The following TMEM74 variants were observed in gnomAD, a reference collection of about 807,000 sequenced individuals.
The protein encoded by TMEM74 is transmembrane protein 74.
TMEM74 carries 13 observed loss-of-function variants against 18.1 expected under a neutral mutation model. That is an observed-to-expected ratio of 0.72 (90% CI 0.47 to 1.14). TMEM74 has a LOEUF of 1.14. TMEM74 is among the 50% of genes most tolerant of loss of function. The pLI, the probability that TMEM74 is intolerant of heterozygous loss-of-function variation, is 0.00. For synonymous variants in TMEM74, 159 were observed against 146.6 expected (o/e 1.08, Z -0.61); for missense variants, 372 against 375.9 (o/e 0.99, Z 0.09).
At chr8:108,692,023 T>G (rs1563527445) in intron 1 of TMEM74, among the ~76,000 whole-genome samples, 1 of 152,214 alleles carries the variant, frequency 6.6e-6, no homozygotes, top group Non-Finnish European at 1.5e-5. Flanking sequence ...TCATGTCTTA[T>G]AGTTTAATTC....
At chr8:108,744,569 G>A (rs1166040668) in intron 1 of TMEM74, among the ~76,000 whole-genome samples, 2 of 152,244 alleles carry the variant, frequency 1.3e-5, no homozygotes, top group South Asian at 2.1e-4. Context: ...TACATTTTAC[G>A]TAAGAGAAGG....
At chr8:108,752,280 AT>A (rs1452755129) in intron 1 of TMEM74, among the ~76,000 whole-genome samples, 1 of 152,088 alleles carries the variant, frequency 6.6e-6, no homozygotes, top group Non-Finnish European at 1.5e-5. Context: ...CATCTCTAAG[AT>A]AACAAAAGTT....
In TMEM74 at chr8:108,677,038, C is replaced by T. The variant is rs530124058; in HGVS notation, n.120-21601G>A. 4.6e-5 allele frequency among the ~76,000 whole-genome samples: 7 copies of T among 152,336 alleles called. No individual in the cohort carries two copies. In the East Asian group the frequency reaches 1.3e-3, roughly 29 times the overall value. On this transcript the variant is annotated intron_variant and non_coding_transcript_variant, in intron 1 of 3. Coordinates refer to the TMEM74 transcript ENST00000518838. ...TTCAAAGATCAATTATTCTTTCCAG[C>T]TATTGGCACTTACAGTTTAACCTTC...
At chr8:108,711,489 G>A (rs1484631563) in intron 1 of TMEM74, among the ~76,000 whole-genome samples, 1 of 152,138 alleles carries the variant, frequency 6.6e-6, no homozygotes, top group Non-Finnish European at 1.5e-5. Context: ...TTTCTTCTCA[G>A]CAATTTTGGT....
In TMEM74 at chr8:108,782,124, C is replaced by T. The variant is rs1206516682; in HGVS notation, c.*2057G>A. On this transcript the variant is annotated 3_prime_UTR_variant, in exon 2 of 2. Coordinates refer to ENST00000297459, the MANE Select transcript of TMEM74 (RefSeq NM_153015.3). The stretch of plus-strand genomic sequence containing the variant: ...TTTTTTAACACACAGCTCAGACCTA[C>T]TCACTCAGCAGATCGTTTCCTTCTT... Among the ~76,000 whole-genome samples, 1 of 152,090 alleles carries T rather than the reference C, an allele frequency of 6.6e-6. No individual in the cohort carries two copies. Among genetic ancestry groups the T allele is most frequent in the Non-Finnish European group, 1.5e-5 (1 of 68,020 alleles).
chr8:108,691,245 G>C (rs1376735893), intron 1 of TMEM74, among the ~76,000 whole-genome samples: 1 of 152,144 alleles, frequency 6.6e-6, no homozygotes, highest in Non-Finnish European at 1.5e-5. Flanking sequence ...CTTCCCACAA[G>C]GAAAAGGTAG....
At chr8:108,674,892 A>T (rs1334695747) in intron 1 of TMEM74, among the ~76,000 whole-genome samples, 2 of 152,144 alleles carry the variant, frequency 1.3e-5, no homozygotes, top group Non-Finnish European at 2.9e-5. Context: ...TGCCTGACCC[A>T]TGTCACTCAA....
At chr8:108,769,794 C>G (rs1354740439) in intron 1 of TMEM74, among the ~76,000 whole-genome samples, 6 of 152,000 alleles carry the variant, frequency 3.9e-5, no homozygotes, top group Non-Finnish European at 7.4e-5. Flanking sequence ...AACAGGTGCA[C>G]AATGATCATT....
downstream of TMEM74, among the ~76,000 whole-genome samples, chr8:108,775,719 T>C (rs1166741959): frequency 6.6e-6 from 1 of 152,214 alleles, no homozygotes; most frequent in Non-Finnish European, 1.5e-5. Context: ...ATTTTACTGT[T>C]TAGGGTCAGC....
chr8:108,696,563 G>A (rs764707386), intron 1 of TMEM74, among the ~76,000 whole-genome samples: 2 of 152,174 alleles, frequency 1.3e-5, no homozygotes, highest in Admixed American at 6.5e-5. Flanking sequence ...AATTACAATC[G>A]TATTTTTTGT....
At chr8:108,708,874 A>G (rs1281024509) in intron 1 of TMEM74, among the ~76,000 whole-genome samples, 2 of 151,300 alleles carry the variant, frequency 1.3e-5, no homozygotes, top group African/African-American at 2.4e-5. Context: ...AAAAGACTTG[A>G]ACAGACATTT....
At chr8:108,705,266 G>A (rs1039351536) in intron 1 of TMEM74, among the ~76,000 whole-genome samples, 1 of 152,186 alleles carries the variant, frequency 6.6e-6, no homozygotes, top group Non-Finnish European at 1.5e-5. Flanking sequence ...GGAAGTCAAC[G>A]AACTTGATGC....
chr8:108,745,371 C>T (rs1331557812), intron 1 of TMEM74, among the ~76,000 whole-genome samples: 2 of 152,062 alleles, frequency 1.3e-5, no homozygotes, highest in African/African-American at 4.8e-5. Flanking sequence ...GTGTCAGTGT[C>T]CAATAAAACT....
At chr8:108,689,861 C>G (rs1298080849) in intron 1 of TMEM74, among the ~76,000 whole-genome samples, 3 of 152,066 alleles carry the variant, frequency 2.0e-5, no homozygotes, top group Non-Finnish European at 4.4e-5. Flanking sequence ...TTGTTCTTCC[C>G]ACTTCACCCC....
At chr8:108,728,494 C>A (rs117833432) in intron 1 of TMEM74, among the ~76,000 whole-genome samples, 1,866 of 152,208 alleles carry the variant, frequency 0.012, 24 homozygotes, top group Non-Finnish European at 0.02. Flanking sequence ...GATCATAGAA[C>A]CTTTTCCCCT....
intron 1 of TMEM74, among the ~76,000 whole-genome samples, chr8:108,708,469 T>C (rs1813440072): frequency 6.6e-6 from 1 of 152,136 alleles, no homozygotes. Context: ...ACACTGCCTT[T>C]TGCAACGGCT....
At position 108,782,564 on chromosome 8, in the gene TMEM74, A is replaced by G. The variant is rs1253496650; in HGVS notation, c.*1617T>C. ...TCATCAAATCAATCTGACACCCATG[A>G]GAGCTCATCCACATAAATATCCTGA... On this transcript the variant is annotated 3_prime_UTR_variant, in exon 2 of 2. Transcript: ENST00000297459. Among the ~76,000 whole-genome samples the G allele has an allele frequency of 6.6e-6, 1 of 152,224 alleles. No individual in the cohort carries two copies. The highest frequency in any genetic ancestry group is 1.5e-5 in the Non-Finnish European group (1 of 68,050).
At chr8:108,660,311 C>A (rs902261089) in intron 1 of TMEM74, among the ~76,000 whole-genome samples, 1 of 152,198 alleles carries the variant, frequency 6.6e-6, no homozygotes, top group Admixed American at 6.6e-5. Flanking sequence ...CCTTGGCAGG[C>A]CTATCTTAAA....
intron 1 of TMEM74, among the ~76,000 whole-genome samples, chr8:108,704,472 T>C (rs78243211): frequency 6.6e-6 from 1 of 152,228 alleles, no homozygotes; most frequent in South Asian, 2.1e-4. Context: ...ATTTGTGATA[T>C]CTTTTATAGA....
Sources: gnomAD v4.1 joint callset for allele counts (sites outside exome capture counted in the v4.1 genomes callset) on GRCh38, gnomAD v4.1.1 for gene constraint, MANE v1.5 for transcripts, NCBI Gene and HGNC (gene_info 2026-07-23, HGNC 2026-07-21) for gene names.